PRSS12: variants seen among roughly 807,000 people sequenced by gnomAD.
PRSS12 encodes neurotrypsin.
Under a neutral mutation model 104.4 loss-of-function variants are expected in PRSS12, and 85 were observed. The observed-to-expected ratio is 0.81, with a 90% CI of 0.68 to 0.98. The LOEUF is 0.98. Ranked by LOEUF, PRSS12 falls within the 50% of genes least tolerant of loss-of-function variation. The pLI, the probability that PRSS12 is intolerant of heterozygous loss-of-function variation, is 0.00. For synonymous variants in PRSS12, 454 were observed against 425.2 expected (o/e 1.07, Z -0.83); for missense variants, 1,141 against 1,139.2 (o/e 1.00, Z -0.02).
At chr4:118,348,947 C>G (rs1304706927) in intron 1 of PRSS12, among the ~76,000 whole-genome samples, 1 of 152,140 alleles carries the variant, frequency 6.6e-6, no homozygotes, top group African/African-American at 2.4e-5. Flanking sequence ...CTACCGCGCC[C>G]AGCCCTAGAA....
chr4:118,341,048 G>C (rs2126043872), intron 1 of PRSS12, among the ~76,000 whole-genome samples: 1 of 152,274 alleles, frequency 6.6e-6, no homozygotes, highest in South Asian at 2.1e-4. Context: ...TACACAGAAA[G>C]CTGGGACATG....
At chr4:118,313,102 A>G (rs4147037) in intron 7 of PRSS12, 99 bp downstream of exon 7, 40,560 of 1,448,088 alleles carry the variant, frequency 0.028, 772 homozygotes, top group African/African-American at 0.083. Flanking sequence ...AGACCCCAAA[A>G]AAAGCCAAAG....
chr4:118,323,058 A>G (rs148748066), intron 4 of PRSS12, among the ~76,000 whole-genome samples: 3 of 152,202 alleles, frequency 2.0e-5, no homozygotes, highest in Admixed American at 1.3e-4. Flanking sequence ...TCATGCTACA[A>G]TGGCCCAGCT....
At chr4:118,292,047 G>A (rs995155872) in intron 11 of PRSS12, among the ~76,000 whole-genome samples, 7 of 151,714 alleles carry the variant, frequency 4.6e-5, no homozygotes, top group African/African-American at 1.7e-4. Context: ...TGCACGTTCT[G>A]CACATGTATC....
chr4:118,352,839 C>T lies in PRSS12; in HGVS notation c.-119G>A. 1 of 1,498,140 alleles carries T rather than the reference C, an allele frequency of 6.7e-7. No individual in the cohort carries two copies. The highest frequency in any genetic ancestry group is 8.9e-7 in the Non-Finnish European group (1 of 1,124,298). 92.8% of individuals were successfully genotyped at this position (1,498,140 alleles called of 1,614,324 possible). On this transcript the variant is annotated 5_prime_UTR_variant, in exon 1 of 13. Transcript: ENST00000296498. ...TCGAATCCCCCAGCCCCCTCCCGCCCCCGCACGCGGACCGCCCTCGCCTCC... is the reference window on the plus strand; with the variant it reads ...TCGAATCCCCCAGCCCCCTCCCGCCTCCGCACGCGGACCGCCCTCGCCTCC...
At chr4:118,295,341 G>A (rs1391433883) in intron 10 of PRSS12, among the ~76,000 whole-genome samples, 1 of 152,148 alleles carries the variant, frequency 6.6e-6, no homozygotes, top group Non-Finnish European at 1.5e-5. Context: ...TATATTTCAT[G>A]ATTTAAAGTG....
At chr4:118,347,090 AT>A (rs1193088791) in intron 1 of PRSS12, among the ~76,000 whole-genome samples, 10 of 152,232 alleles carry the variant, frequency 6.6e-5, no homozygotes, top group African/African-American at 1.4e-4. Context: ...AAAAAAAAAA[AT>A]ATGCACACTA....
intron 4 of PRSS12, among the ~76,000 whole-genome samples, chr4:118,326,213 G>A (rs542887482): frequency 1.3e-5 from 2 of 152,220 alleles, no homozygotes; most frequent in South Asian, 4.1e-4. Flanking sequence ...GCCATATACA[G>A]AGTTTGTAAT....
At chr4:118,326,591 G>A (rs1327592950) in intron 4 of PRSS12, among the ~76,000 whole-genome samples, 2 of 152,144 alleles carry the variant, frequency 1.3e-5, no homozygotes, top group Non-Finnish European at 2.9e-5. Context: ...CTAAAACACG[G>A]TCACTATCAT....
chr4:118,289,733 C>T (rs1010590810), intron 11 of PRSS12, among the ~76,000 whole-genome samples: 4 of 152,156 alleles, frequency 2.6e-5, no homozygotes, highest in East Asian at 1.9e-4. Flanking sequence ...CCTCCTTAGG[C>T]GCTTCAAACA....
At chr4:118,324,910 C>A (rs903940679) in intron 4 of PRSS12, among the ~76,000 whole-genome samples, 14 of 151,982 alleles carry the variant, frequency 9.2e-5, no homozygotes, top group Admixed American at 3.3e-4. Flanking sequence ...CAGGTTTCAC[C>A]ATGTTGGTCA....
intron 4 of PRSS12, among the ~76,000 whole-genome samples, chr4:118,325,804 T>C (rs1684493089): frequency 1.3e-5 from 2 of 151,884 alleles, no homozygotes; most frequent in Admixed American, 1.3e-4. Flanking sequence ...TCTAGTGTTG[T>C]CTAGTTTTTT....
intron 8 of PRSS12, among the ~76,000 whole-genome samples, chr4:118,299,686 TAATAAAATA>T (rs1183820832): frequency 2.1e-4 from 25 of 119,326 alleles, no homozygotes; most frequent in East Asian, 4.6e-4. Context: ...GTCTCAAAAA[TAATAAAATA>T]AATAAAATAA....
intron 8 of PRSS12, among the ~76,000 whole-genome samples, chr4:118,306,873 C>T (rs2126031721): frequency 6.6e-6 from 1 of 152,134 alleles, no homozygotes; most frequent in East Asian, 1.9e-4. Flanking sequence ...CTGAGACACA[C>T]AATTTGAAGG....
Position 118,313,239 on chromosome 4 carries a change from G to T in PRSS12, c.1451C>A (p.Ala484Asp). The part of the protein sequence containing the change: ...DCSHREDVSI[A>D]CYPGGEGHRL... ...GTGTCCCTCGCCGCCAGGGTAGCAG[G>T]CAATGCTAACATCTTCGCGGTGGCT... is the stretch of plus-strand genomic sequence containing the variant. Residue 484 changes from alanine (A) to aspartate (D), a missense_variant, in exon 7 of 13, where the codon GCC (alanine) becomes GAC (aspartate). Ala to Asp is a moderately radical substitution (Grantham distance 126, BLOSUM62 -2). Transcript: ENST00000296498. The T allele has an allele frequency of 6.2e-7, 1 of 1,613,982 alleles. No individual in the cohort carries two copies.
At chr4:118,295,275 T>C (rs936684321) in intron 10 of PRSS12, among the ~76,000 whole-genome samples, 3 of 152,214 alleles carry the variant, frequency 2.0e-5, no homozygotes, top group Admixed American at 6.5e-5. Context: ...GATTTGCTTA[T>C]AGGCATTTGT....
intron 4 of PRSS12, among the ~76,000 whole-genome samples, chr4:118,329,443 T>C (rs1420410022): frequency 6.6e-6 from 1 of 152,200 alleles, no homozygotes; most frequent in Non-Finnish European, 1.5e-5. Flanking sequence ...ATAGGTTTCT[T>C]AGTAACTCAC....
Position 118,281,312 on chromosome 4 carries a change from A to C in PRSS12, c.*624T>G. On this transcript the variant is annotated 3_prime_UTR_variant, in exon 13 of 13. Transcript: ENST00000296498. ...TCTTATGGTTTCTGTAGCACTTGGTACTCAACAAGGATACTTGTTTCCAAA... is the reference window on the plus strand; with the variant it reads ...TCTTATGGTTTCTGTAGCACTTGGTCCTCAACAAGGATACTTGTTTCCAAA... 1 of 154,722 alleles carries C rather than the reference A, an allele frequency of 6.5e-6. No homozygotes were observed. Among genetic ancestry groups the C allele is most frequent in the East Asian group, 1.9e-4 (1 of 5,240 alleles). 9.6% of individuals were successfully genotyped at this position (154,722 alleles called of 1,614,324 possible).
intron 10 of PRSS12, among the ~76,000 whole-genome samples, chr4:118,295,483 T>G (rs1006341373): frequency 1.3e-5 from 2 of 152,250 alleles, no homozygotes; most frequent in Non-Finnish European, 2.9e-5. Context: ...CATTCTAAAT[T>G]AGATGAATCT....
Sources: allele counts gnomAD v4.1 joint callset (sites outside exome capture counted in the v4.1 genomes callset), GRCh38; gene constraint gnomAD v4.1.1; transcripts MANE v1.5; gene names NCBI Gene and HGNC (gene_info 2026-07-23, HGNC 2026-07-21).